The following SEL1L variants were observed in gnomAD, a reference collection of about 807,000 sequenced individuals.
The protein encoded by SEL1L is protein sel-1 homolog 1.
SEL1L carries 52 observed loss-of-function variants against 109.8 expected under a neutral mutation model. The observed-to-expected ratio is 0.47, with a 90% CI of 0.38 to 0.60. The LOEUF (loss-of-function observed/expected upper bound fraction) is 0.60. Ranked by LOEUF, SEL1L falls within the 20% of genes least tolerant of loss-of-function variation. SEL1L has a pLI of 0.00. For synonymous variants in SEL1L, 373 were observed against 339.6 expected, an observed-to-expected ratio of 1.10 and a Z score of -1.08; for missense variants, 749 against 962.2, an observed-to-expected ratio of 0.78 and a Z score of 2.93.
rs191680611 is a variant in SEL1L at position 81,490,349 on chromosome 14, A to G, written c.1332+39T>C. Reference sequence around the variant, plus strand: ...AAATTCATTTATTAAAATATTAGTAATATGGTACACATTTCAGTACACTGA... The same window carrying G: ...AAATTCATTTATTAAAATATTAGTAGTATGGTACACATTTCAGTACACTGA... On this transcript the variant is annotated intron_variant, in intron 13 of 20. Transcript: ENST00000336735. 56 of 1,425,568 alleles carry G rather than the reference A, an allele frequency of 3.9e-5. 1 individual carries two copies. The Middle Eastern group carries it at 8.7e-4, about 22-fold the overall frequency. The allele number at this position is 1,425,568 out of a possible 1,614,324, so 88.3% of individuals were successfully genotyped here.
At chr14:81,486,223 A>G in intron 17 of SEL1L, 66 bp downstream of exon 17, 1 of 1,480,302 alleles carries the variant, frequency 6.8e-7, no homozygotes, top group Non-Finnish European at 9.3e-7. Flanking sequence ...TTTTGAATAC[A>G]TTAAACAGTT....
At chr14:81,492,633 T>C (rs1883590082) in intron 11 of SEL1L, 85 bp from the exon 12 acceptor site, 2 of 940,018 alleles carry the variant, frequency 2.1e-6, no homozygotes, top group Non-Finnish European at 3.2e-6. Context: ...TTCAGGAACA[T>C]TTAAAAAATC....
At chr14:81,483,339 A>G (rs1380968608) in intron 19 of SEL1L, among the ~76,000 whole-genome samples, 2 of 152,248 alleles carry the variant, frequency 1.3e-5, no homozygotes, top group African/African-American at 2.4e-5. Flanking sequence ...TCAACAATGC[A>G]TTAACTGACC....
chr14:81,487,799 G>C (rs1035383330), intron 15 of SEL1L, 56 bp downstream of exon 15: 1 of 1,604,110 alleles, frequency 6.2e-7, no homozygotes, highest in African/African-American at 1.3e-5. Context: ...CCATCTAGTA[G>C]AAAACAGCTT....
chr14:81,482,268 A>G (rs979584790), intron 19 of SEL1L, among the ~76,000 whole-genome samples: 1 of 152,196 alleles, frequency 6.6e-6, no homozygotes, highest in African/African-American at 2.4e-5. Flanking sequence ...ATAAAAACAG[A>G]TTAGTTATAT....
intron 19 of SEL1L, among the ~76,000 whole-genome samples, chr14:81,481,440 T>C (rs952031875): frequency 6.6e-6 from 1 of 152,228 alleles, no homozygotes; most frequent in Non-Finnish European, 1.5e-5. Flanking sequence ...ACAGTATGGT[T>C]AGTGTCTGAG....
chr14:81,526,533 C>T (rs1319934157), intron 3 of SEL1L, among the ~76,000 whole-genome samples, 200 bp downstream of exon 3: 2 of 152,138 alleles, frequency 1.3e-5, no homozygotes, highest in East Asian at 3.8e-4. Flanking sequence ...TTGAATTCAG[C>T]TTATGTAACT....
intron 3 of SEL1L, among the ~76,000 whole-genome samples, chr14:81,506,470 T>C (rs975454656): frequency 5.9e-5 from 9 of 152,208 alleles, no homozygotes; most frequent in Non-Finnish European, 1.2e-4. Flanking sequence ...AGGTTAGACT[T>C]TCTGAAGTTC....
chr14:81,500,532 A>AG (rs1337477064), intron 6 of SEL1L, among the ~76,000 whole-genome samples: 1 of 152,194 alleles, frequency 6.6e-6, no homozygotes, highest in East Asian at 1.9e-4. Flanking sequence ...CACCACGCCC[A>AG]GCCAAATGTA....
In SEL1L at chr14:81,477,178, G is replaced by A. The variant is rs775025839; in HGVS notation, c.2179C>T (p.Arg727Ter). 4 of 1,611,912 alleles carry A rather than the reference G, an allele frequency of 2.5e-6. No individual in the cohort carries two copies. The highest frequency in any genetic ancestry group is 2.5e-6 in the Non-Finnish European group (3 of 1,178,108). ...ATATCAAGTTGGGTGAACATATCTC[G>A]AATCTTAATGAAAATAATATAGAAA... is the stretch of plus-strand genomic sequence containing the variant. ...FLQYIRETNI[R>*]DMFTQLDMDQ... Residue 727 changes from arginine (R) to a stop codon, truncating the protein, a stop_gained, in exon 21 of 21, where the codon CGA becomes TGA. Coordinates refer to ENST00000336735, the MANE Select transcript of SEL1L (RefSeq NM_005065.6). LOFTEE classifies it high-confidence loss of function.
In SEL1L at chr14:81,533,661, G is replaced by A; in HGVS notation, c.70+14C>T. 1 of 1,611,540 alleles carries A rather than the reference G, an allele frequency of 6.2e-7. No individual in the cohort carries two copies. The highest frequency in any genetic ancestry group is 8.5e-7 in the Non-Finnish European group (1 of 1,179,420). On this transcript the variant is annotated intron_variant, in intron 1 of 20. Transcript: ENST00000336735. ...GAGGCTCTGGGCCTTCAGCCCGAGG[G>A]GGCGGATACTGACCCGAGGACGCCG...
chr14:81,509,682 A>G (rs926625402), intron 3 of SEL1L, among the ~76,000 whole-genome samples: 1 of 152,256 alleles, frequency 6.6e-6, no homozygotes, highest in South Asian at 2.1e-4. Context: ...CGTCGGCCAG[A>G]AGATGGGTAA....
Position 81,533,794 on chromosome 14 carries a change from G to A in SEL1L, c.-50C>T, listed in dbSNP as rs1156497483. On this transcript the variant is annotated 5_prime_UTR_variant, in exon 1 of 21. Coordinates refer to ENST00000336735, the MANE Select transcript of SEL1L (RefSeq NM_005065.6). ...CCCTAGAGCTGTCGCCTTCGCCTCT[G>A]CCACCACGGACTCAGCCACCACCGC... 6.4e-7 allele frequency: 1 copy of A among 1,566,722 alleles called. No individual in the cohort carries two copies. Among genetic ancestry groups the A allele is most frequent in the Non-Finnish European group, 8.7e-7 (1 of 1,146,124 alleles).
intron 3 of SEL1L, among the ~76,000 whole-genome samples, chr14:81,522,047 C>T (rs1048458443): frequency 6.6e-6 from 1 of 151,948 alleles, no homozygotes; most frequent in Non-Finnish European, 1.5e-5. Context: ...TAGAAAACAG[C>T]TTATAGAATA....
chr14:81,498,082 A>G lies in SEL1L; in HGVS notation c.974-36T>C, dbSNP rs943568135. 5.0e-6 allele frequency: 8 copies of G among 1,584,306 alleles called. No homozygotes were observed. In the African/African-American group the frequency reaches 9.5e-5, roughly 19 times the overall value. ...GGGATAAAACAATAAGGTGGAGGAA[A>G]ATCAGAAGAATTGTTCCAGAGAGAG... On this transcript the variant is annotated intron_variant, in intron 9 of 20. Transcript: ENST00000336735.
At chr14:81,519,870 T>C (rs967455902) in intron 3 of SEL1L, among the ~76,000 whole-genome samples, 7 of 152,300 alleles carry the variant, frequency 4.6e-5, no homozygotes, top group Middle Eastern at 6.8e-3. Flanking sequence ...TAAACTGTTA[T>C]GTTGTGTTTG....
chr14:81,527,947 C>T (rs1263593327), intron 1 of SEL1L, among the ~76,000 whole-genome samples: 2 of 152,106 alleles, frequency 1.3e-5, no homozygotes, highest in Non-Finnish European at 2.9e-5. Context: ...TAGTTTCTCT[C>T]TTTCTCCAGA....
At chr14:81,488,501 T>C (rs951377062) in intron 14 of SEL1L, among the ~76,000 whole-genome samples, 1 of 152,144 alleles carries the variant, frequency 6.6e-6, no homozygotes, top group Non-Finnish European at 1.5e-5. Flanking sequence ...AAAACCTAGC[T>C]CTTAAACCTA....
At chr14:81,529,962 G>T (rs1329183568) in intron 1 of SEL1L, among the ~76,000 whole-genome samples, 2 of 152,182 alleles carry the variant, frequency 1.3e-5, no homozygotes, top group Non-Finnish European at 2.9e-5. Flanking sequence ...AATGCAAAAG[G>T]ATTAAGTTAT....
Sources: gnomAD v4.1 joint callset for allele counts (sites outside exome capture counted in the v4.1 genomes callset) on GRCh38, gnomAD v4.1.1 for gene constraint, MANE v1.5 for transcripts, NCBI Gene and HGNC (gene_info 2026-07-23, HGNC 2026-07-21) for gene names.